The following TSPAN18 variants were observed in gnomAD, a reference collection of about 807,000 sequenced individuals.
TSPAN18 encodes tetraspanin-18.
Under a neutral mutation model 27.3 loss-of-function variants are expected in TSPAN18, and 14 were observed. The ratio of observed to expected loss-of-function variants is 0.51; its 90% CI spans 0.34 to 0.80. The LOEUF (loss-of-function observed/expected upper bound fraction) is 0.80, where lower values mean the gene tolerates loss of function less well. TSPAN18 is among the 30% of genes least tolerant of loss of function. The pLI, the probability that TSPAN18 is intolerant of heterozygous loss-of-function variation, is 0.01. For missense variants in TSPAN18, 268 were observed against 323.9 expected, an observed-to-expected ratio of 0.83 and a Z score of 1.32; for synonymous variants, 143 against 136.5, an observed-to-expected ratio of 1.05 and a Z score of -0.33.
intron 2 of TSPAN18, among the ~76,000 whole-genome samples, chr11:44,841,509 C>A (rs1314287402): frequency 3.4e-5 from 3 of 87,342 alleles, no homozygotes; most frequent in African/African-American, 9.4e-5. Context: ...GCACGAAATT[C>A]CATCTAAAAA....
At chr11:44,908,762 G>GGA (rs1859556818) in intron 4 of TSPAN18, among the ~76,000 whole-genome samples, 1 of 71,122 alleles carries the variant, frequency 1.4e-5, no homozygotes, top group Admixed American at 1.4e-4. Flanking sequence ...GAGAGAGAGA[G>GGA]AGAAAGGAGA....
At chr11:44,849,858 G>T (rs962413550) in intron 2 of TSPAN18, among the ~76,000 whole-genome samples, 6 of 152,174 alleles carry the variant, frequency 3.9e-5, no homozygotes, top group African/African-American at 1.4e-4. Context: ...CACAGGGTTT[G>T]CTTGAGGACA....
chr11:44,740,197 G>T (rs373720342), intron 1 of TSPAN18, among the ~76,000 whole-genome samples: 1 of 152,282 alleles, frequency 6.6e-6, no homozygotes, highest in Non-Finnish European at 1.5e-5. Flanking sequence ...TTCATCTTGT[G>T]GGGTGCAGGG....
At chr11:44,879,544 G>A (rs564247449) in intron 3 of TSPAN18, among the ~76,000 whole-genome samples, 1 of 152,374 alleles carries the variant, frequency 6.6e-6, no homozygotes, top group East Asian at 1.9e-4. Flanking sequence ...GAATATCTGG[G>A]GGAAGAGAGT....
intron 2 of TSPAN18, among the ~76,000 whole-genome samples, chr11:44,784,836 G>A (rs546551233): frequency 6.6e-6 from 1 of 152,306 alleles, no homozygotes; most frequent in South Asian, 2.1e-4. Context: ...GCTTGTTCAG[G>A]GTCTCACAGT....
At chr11:44,795,476 T>G (rs1174748650) in intron 2 of TSPAN18, among the ~76,000 whole-genome samples, 1 of 152,050 alleles carries the variant, frequency 6.6e-6, no homozygotes, top group Non-Finnish European at 1.5e-5. Context: ...CTACCTCCAC[T>G]CATCCAAGCA....
At chr11:44,805,858 C>G (rs981105807) in intron 2 of TSPAN18, among the ~76,000 whole-genome samples, 9 of 152,008 alleles carry the variant, frequency 5.9e-5, no homozygotes, top group Non-Finnish European at 1.2e-4. Flanking sequence ...CATCTTCCCT[C>G]TCTCTCTGTC....
In TSPAN18 at chr11:44,870,937, G is replaced by C. The variant is rs192102930; in HGVS notation, c.-11+10468G>C. On this transcript the variant is annotated intron_variant, in intron 3 of 9. Coordinates refer to ENST00000520358, the MANE Select transcript of TSPAN18 (RefSeq NM_130783.5). ...CTAGACTCACACAGATCACCAACCT[G>C]AGAGTGGAGTGGCATAGAGACTGGA... Among the ~76,000 whole-genome samples, 193 of 152,272 alleles carry C rather than the reference G, an allele frequency of 1.3e-3. 1 individual carries two copies. Among genetic ancestry groups the C allele is most frequent in the African/African-American group, 4.4e-3 (181 of 41,546 alleles).
intron 2 of TSPAN18, among the ~76,000 whole-genome samples, chr11:44,792,069 G>A (rs75409601): frequency 0.018 from 2,783 of 152,228 alleles, 42 homozygotes; most frequent in Non-Finnish European, 0.028. Context: ...GGTATTCAAT[G>A]TCAATTTATT....
At chr11:44,872,414 A>T (rs1158849982) in intron 3 of TSPAN18, among the ~76,000 whole-genome samples, 16 of 152,232 alleles carry the variant, frequency 1.1e-4, no homozygotes, top group Admixed American at 1.0e-3. Context: ...CACCAACCTC[A>T]TAGGGTTGCC....
Position 44,806,504 on chromosome 11 carries a change from C to T in TSPAN18, c.-153+41992C>T, listed in dbSNP as rs1429554180. Among the ~76,000 whole-genome samples, 5 of 152,316 alleles carry T rather than the reference C, an allele frequency of 3.3e-5. No homozygotes were observed. In the East Asian group the frequency reaches 5.8e-4, roughly 18 times the overall value. On this transcript the variant is annotated intron_variant, in intron 2 of 9. Transcript: ENST00000520358. ...AACAAGCCAACTTCAGCTCAACTTG[C>T]ACTAGATCTGTTAGAATGGGTGGGG...
rs1856412464 is a variant in TSPAN18, at chr11:44,798,963, C to T, written c.-153+34451C>T. Among the ~76,000 whole-genome samples, 4 of 152,056 alleles carry T rather than the reference C, an allele frequency of 2.6e-5. No individual in the cohort carries two copies. In the South Asian group the frequency reaches 8.3e-4, roughly 32 times the overall value. On this transcript the variant is annotated intron_variant, in intron 2 of 9. Coordinates refer to ENST00000520358, the MANE Select transcript of TSPAN18 (RefSeq NM_130783.5). ...GACCCAGGGCAGTGAAGCTTCATCT[C>T]ATGGGACTTATCCCCACCCCCACCC...
intron 4 of TSPAN18, among the ~76,000 whole-genome samples, chr11:44,908,735 AAAG>A (rs1233265591): frequency 9.2e-6 from 1 of 108,978 alleles, no homozygotes; most frequent in East Asian, 2.9e-4. Context: ...CTGTCTCAAA[AAAG>A]AAAGAAAGAG....
At chr11:44,850,076 A>G (rs1303544607) in intron 2 of TSPAN18, among the ~76,000 whole-genome samples, 1 of 152,178 alleles carries the variant, frequency 6.6e-6, no homozygotes, top group Non-Finnish European at 1.5e-5. Flanking sequence ...CCCAGGACCA[A>G]CAGAGAAGAA....
intron 2 of TSPAN18, among the ~76,000 whole-genome samples, chr11:44,809,965 G>A (rs1000011903): frequency 2.0e-5 from 3 of 152,106 alleles, no homozygotes; most frequent in Non-Finnish European, 4.4e-5. Flanking sequence ...AGGAGGAAAC[G>A]GCGCAAAAAT....
At chr11:44,736,710 G>A (rs962625797) in intron 1 of TSPAN18, 7 of 152,362 alleles carry the variant, frequency 4.6e-5, no homozygotes, top group African/African-American at 7.2e-5. Context: ...AGGAAGCAGG[G>A]GAGGCAACCT....
intron 2 of TSPAN18, among the ~76,000 whole-genome samples, chr11:44,825,489 G>A (rs1209675461): frequency 6.6e-6 from 1 of 152,180 alleles, no homozygotes; most frequent in African/African-American, 2.4e-5. Flanking sequence ...TCTGCAGTGT[G>A]CGCCCCGATT....
At position 44,929,204 on chromosome 11, in the gene TSPAN18, T is replaced by A; in HGVS notation, c.*26T>A. ...AGGGTATGGCCTGAAGCCTGAAGAC[T>A]CGCCCCACCCACCACTGCCCAGCAC... On this transcript the variant is annotated 3_prime_UTR_variant, in exon 10 of 10. Transcript: ENST00000520358. 6.2e-7 allele frequency: 1 copy of A among 1,613,196 alleles called. No homozygotes were observed.
intron 8 of TSPAN18, among the ~76,000 whole-genome samples, chr11:44,923,196 G>A (rs921267238): frequency 5.9e-5 from 9 of 152,172 alleles, no homozygotes; most frequent in East Asian, 1.9e-4. Context: ...TGGAGGGGTC[G>A]GTGCTGGAGA....
Sources: gnomAD v4.1 joint callset for allele counts (sites outside exome capture counted in the v4.1 genomes callset) on GRCh38, gnomAD v4.1.1 for gene constraint, MANE v1.5 for transcripts, NCBI Gene and HGNC (gene_info 2026-07-23, HGNC 2026-07-21) for gene names.